Variants in GRIK3 observed in about 807,000 individuals in gnomAD.
The protein encoded by GRIK3 is glutamate receptor ionotropic, kainate 3.
Under a neutral mutation model 102.5 loss-of-function variants are expected in GRIK3, and 29 were observed. The observed-to-expected ratio is 0.28, with a 90% CI of 0.21 to 0.39. The LOEUF is 0.39. Ranked by LOEUF, GRIK3 falls within the 10% of genes least tolerant of loss-of-function variation. The pLI, the probability that GRIK3 is intolerant of heterozygous loss-of-function variation, is 1.00. For missense variants in GRIK3, 908 were observed against 1,252.4 expected (o/e 0.73, Z 4.15); for synonymous variants, 511 against 504.9 (o/e 1.01, Z -0.16).
intron 1 of GRIK3, among the ~76,000 whole-genome samples, chr1:36,912,557 A>G (rs888237587): frequency 1.3e-5 from 2 of 151,704 alleles, no homozygotes; most frequent in East Asian, 1.9e-4. Flanking sequence ...CAGATAAACT[A>G]TTTACACCCT....
intron 1 of GRIK3, among the ~76,000 whole-genome samples, chr1:36,894,579 C>CAGG (rs1007509021): frequency 2.0e-5 from 3 of 152,178 alleles, no homozygotes; most frequent in Non-Finnish European, 4.4e-5. Flanking sequence ...AGTGAGGTCA[C>CAGG]AGGGCAAACC....
intron 1 of GRIK3, among the ~76,000 whole-genome samples, chr1:36,907,437 G>A (rs1481724039): frequency 1.3e-5 from 2 of 152,170 alleles, no homozygotes; most frequent in East Asian, 3.8e-4. Flanking sequence ...TGGGTTTTAA[G>A]TTGAGCCTCC....
In GRIK3 at chr1:36,850,552, C is replaced by T. The variant is rs1640572621; in HGVS notation, c.1213-128G>A. 1.5e-6 allele frequency: 1 copy of T among 660,576 alleles called. No individual in the cohort carries two copies. Among genetic ancestry groups the T allele is most frequent in the Non-Finnish European group, 2.8e-6 (1 of 361,694 alleles). 40.9% of individuals were successfully genotyped at this position (660,576 alleles called of 1,614,324 possible). ...ATTGTCATGATCATCATCATCATCA[C>T]CACTGCCATTGTGTTTCCAGTTATA... On this transcript the variant is annotated intron_variant, in intron 8 of 15. Transcript: ENST00000373091. This position sits in a 1 kb window ranked among gnomAD's most constrained non-coding sequence, Gnocchi z 4.0.
At chr1:36,938,532 GACTCTAA>G (rs1489394906) in intron 1 of GRIK3, among the ~76,000 whole-genome samples, 1 of 152,192 alleles carries the variant, frequency 6.6e-6, no homozygotes, top group Non-Finnish European at 1.5e-5. Context: ...AGCCTGGACT[GACTCTAA>G]AAGATCTCCC....
rs549448030 is a variant in GRIK3, at chr1:36,805,230, T to A, written c.2322A>T (p.Pro774=). 1 of 1,608,984 alleles carries A rather than the reference T, an allele frequency of 6.2e-7. No individual in the cohort carries two copies. Among genetic ancestry groups the A allele is most frequent in the African/African-American group, 1.3e-5 (1 of 74,984 alleles). ...GYGIGTPMGS[P]YRDKITIAIL... ...TGGCGATGGTGATCTTGTCCCGGTA[T>A]GGGGAGCCTGAGCAGGGAGAAGGGA... Residue 774 remains proline, a synonymous_variant, in exon 15 of 16, where the codon CCA becomes CCT. Transcript: ENST00000373091.
At chr1:36,908,779 G>GTA (rs1491283608) in intron 1 of GRIK3, among the ~76,000 whole-genome samples, 3 of 42,752 alleles carry the variant, frequency 7.0e-5, no homozygotes, top group Non-Finnish European at 1.8e-4. Context: ...ATGGGATAGG[G>GTA]TGTGTGTGTG....
chr1:36,932,862 G>C (rs554041835), intron 1 of GRIK3, among the ~76,000 whole-genome samples: 1 of 152,196 alleles, frequency 6.6e-6, no homozygotes, highest in East Asian at 1.9e-4. Flanking sequence ...AGTATCTCCA[G>C]CCCAGGGCCT....
intron 10 of GRIK3, among the ~76,000 whole-genome samples, chr1:36,835,568 G>C (rs574244759): frequency 2.6e-5 from 4 of 151,994 alleles, no homozygotes; most frequent in Non-Finnish European, 5.9e-5. Context: ...TTCTTTCCCT[G>C]GCATCACAAC....
chr1:36,917,632 T>G (rs983218767), intron 1 of GRIK3, among the ~76,000 whole-genome samples: 1 of 152,246 alleles, frequency 6.6e-6, no homozygotes, highest in Non-Finnish European at 1.5e-5. Flanking sequence ...TTCTCTTGTC[T>G]GCCACCACGT....
At chr1:36,996,967 T>C (rs61768878) in intron 1 of GRIK3, among the ~76,000 whole-genome samples, 3,577 of 152,322 alleles carry the variant, frequency 0.023, 65 homozygotes, top group Middle Eastern at 0.092. Context: ...CGAAGCATTC[T>C]ACAATGCACA....
rs1209500444 is a variant in GRIK3 at position 36,958,348 on chromosome 1, T to C, written c.116-67252A>G. Among the ~76,000 whole-genome samples the C allele has an allele frequency of 3.5e-5, 2 of 57,154 alleles. 1 individual carries two copies. Among genetic ancestry groups the C allele is most frequent in the Non-Finnish European group, 6.0e-5 (2 of 33,234 alleles). 37.5% of individuals were successfully genotyped at this position (57,154 alleles called of 152,430 possible). On this transcript the variant is annotated intron_variant, in intron 1 of 15. Transcript: ENST00000373091. ...TGTGCCCCATGAGCCTGTGTGCTCTTTGAATCTTTGCTCCATGAGCCTGTG... is the reference window on the plus strand; with the variant it reads ...TGTGCCCCATGAGCCTGTGTGCTCTCTGAATCTTTGCTCCATGAGCCTGTG...
chr1:36,855,441 GC>G (rs1640640739), intron 7 of GRIK3, among the ~76,000 whole-genome samples: 1 of 152,232 alleles, frequency 6.6e-6, no homozygotes, highest in Non-Finnish European at 1.5e-5. Flanking sequence ...CACATGGGCA[GC>G]TCCAAGGTAC....
At position 36,806,144 on chromosome 1, in the gene GRIK3, G is replaced by T. The variant is rs373052448; in HGVS notation, c.2274C>A (p.Gly758=). The change falls in exon 14 of 16, where the codon GGC becomes GGA. Residue 758 remains glycine (G), a synonymous_variant. Coordinates refer to ENST00000373091, the MANE Select transcript of GRIK3 (RefSeq NM_000831.4). The surrounding 1 kb of genome is among the most constrained non-coding windows in gnomAD (Gnocchi z 4.0). ...TGCCGTAGCCCTTGGAGTCAATGAG[G>T]CCCCCGATCTGGGTGAGGTTGCAGT... ...QRNCNLTQIG[G]LIDSKGYGIG... is the part of the protein sequence containing the mutation. The T allele has an allele frequency of 6.2e-7, 1 of 1,613,924 alleles. No homozygotes were observed. Among genetic ancestry groups the T allele is most frequent in the African/African-American group, 1.3e-5 (1 of 74,882 alleles).
chr1:36,924,819 T>A lies in GRIK3; in HGVS notation c.116-33723A>T, dbSNP rs146609354. On this transcript the variant is annotated intron_variant, in intron 1 of 15. Coordinates refer to ENST00000373091, the MANE Select transcript of GRIK3 (RefSeq NM_000831.4). Reference sequence around the variant, plus strand: ...CTCTTGAGCACACGTGCACACACCTTCTCGCAGGGGACACAGCATGCCAAC... The same window carrying A: ...CTCTTGAGCACACGTGCACACACCTACTCGCAGGGGACACAGCATGCCAAC... Among the ~76,000 whole-genome samples the A allele has an allele frequency of 1.1e-3, 169 of 152,122 alleles. 1 individual carries two copies. Among genetic ancestry groups the A allele is most frequent in the African/African-American group, 3.7e-3 (153 of 41,488 alleles).
intron 1 of GRIK3, among the ~76,000 whole-genome samples, chr1:36,950,508 C>G (rs554194237): frequency 1.3e-5 from 2 of 152,170 alleles, no homozygotes; most frequent in Non-Finnish European, 2.9e-5. Flanking sequence ...CCCATCTTTC[C>G]ACACTCCCAG....
At chr1:36,907,421 C>G (rs557616701) in intron 1 of GRIK3, among the ~76,000 whole-genome samples, 1 of 152,140 alleles carries the variant, frequency 6.6e-6, no homozygotes, top group African/African-American at 2.4e-5. Context: ...CAGTGATGTC[C>G]GATGCTGGGT....
chr1:37,006,325 G>A (rs533500444), intron 1 of GRIK3, among the ~76,000 whole-genome samples: 6 of 152,316 alleles, frequency 3.9e-5, no homozygotes, highest in South Asian at 2.1e-4. Context: ...ATAACGCAAC[G>A]AGGGAGGAAT....
At chr1:36,856,971 C>T (rs771742529) in intron 7 of GRIK3, among the ~76,000 whole-genome samples, 16 of 152,200 alleles carry the variant, frequency 1.1e-4, no homozygotes, top group Non-Finnish European at 1.9e-4. Context: ...CCAACCTGTT[C>T]AGCACCTGCT....
At chr1:36,925,417 C>T (rs969537496) in intron 1 of GRIK3, among the ~76,000 whole-genome samples, 3 of 152,248 alleles carry the variant, frequency 2.0e-5, no homozygotes, top group Admixed American at 6.5e-5. Context: ...GGAGCCTTTC[C>T]CCTGAAAGCT....
Sources: allele counts gnomAD v4.1 joint callset (sites outside exome capture counted in the v4.1 genomes callset), GRCh38; gene constraint gnomAD v4.1.1; non-coding constraint Gnocchi (gnomAD v3.1); transcripts MANE v1.5; gene names NCBI Gene and HGNC (gene_info 2026-07-23, HGNC 2026-07-21).